The following ST18 variants were observed in gnomAD, a reference collection of about 807,000 sequenced individuals.
ST18 encodes the protein suppression of tumorigenicity 18 protein.
In ST18, 50 loss-of-function variants were observed where a neutral mutation model predicts 110.0. That is an observed-to-expected ratio of 0.45 (90% CI 0.36 to 0.58). The LOEUF (loss-of-function observed/expected upper bound fraction) is 0.58, where lower values mean the gene tolerates loss of function less well. Among genes scored for constraint, ST18 ranks in the 20% least tolerant of loss-of-function variants. ST18 has a pLI of 0.00. For synonymous variants in ST18, 461 were observed against 452.4 expected (o/e 1.02, Z -0.24); for missense variants, 1,306 against 1,280.1 (o/e 1.02, Z -0.31).
In ST18 at chr8:52,409,679, T is replaced by C. The variant is rs1285161183; in HGVS notation, c.-721A>G. The C allele has an allele frequency of 1.3e-5, 2 of 152,248 alleles. No individual in the cohort carries two copies. The allele number at this position is 152,248 out of a possible 1,614,324, so 9.4% of individuals were successfully genotyped here. A position where few individuals can be genotyped will look rare whatever the true frequency, so the allele number is the denominator to read the frequency against. ...GTTACCTCAATTATTTTTCTCTCCTTACCTCTAGTATTCCCCTGAGGTCAC... is the reference window on the plus strand; with the variant it reads ...GTTACCTCAATTATTTTTCTCTCCTCACCTCTAGTATTCCCCTGAGGTCAC... On this transcript the variant is annotated 5_prime_UTR_variant, in exon 1 of 26. Coordinates refer to ENST00000689386, the MANE Select transcript of ST18 (RefSeq NM_001352837.2).
intron 25 of ST18, among the ~76,000 whole-genome samples, chr8:52,113,954 G>GCTTTTTTTT (rs2041422738): frequency 2.2e-5 from 1 of 45,422 alleles, no homozygotes; most frequent in African/African-American, 8.2e-5. Context: ...TTCATACCGT[G>GCTTTTTTTT]TTTTTTTTTT....
At chr8:52,266,965 A>G (rs2094891877) in intron 2 of ST18, among the ~76,000 whole-genome samples, 1 of 152,138 alleles carries the variant, frequency 6.6e-6, no homozygotes, top group African/African-American at 2.4e-5. Flanking sequence ...GGAGAGGAGA[A>G]AGATTAAGCC....
At chr8:52,137,549 T>C in intron 17 of ST18, 66 bp from the exon 18 acceptor site, 1 of 1,538,044 alleles carries the variant, frequency 6.5e-7, no homozygotes, top group Non-Finnish European at 9.0e-7. Context: ...CTCTGCCCAG[T>C]AGATTACGGA....
intron 2 of ST18, among the ~76,000 whole-genome samples, chr8:52,394,538 G>A (rs1011711279): frequency 2.0e-5 from 3 of 152,040 alleles, no homozygotes; most frequent in Non-Finnish European, 4.4e-5. Context: ...GCTCTTTCCT[G>A]AATACCAGCT....
chr8:52,390,777 A>G (rs1839052539), intron 2 of ST18, among the ~76,000 whole-genome samples: 1 of 152,232 alleles, frequency 6.6e-6, no homozygotes, highest in Non-Finnish European at 1.5e-5. Context: ...GGAGCACTAC[A>G]GAAGGAAAGT....
At chr8:52,332,180 C>A (rs1306710105) in intron 2 of ST18, among the ~76,000 whole-genome samples, 2 of 151,916 alleles carry the variant, frequency 1.3e-5, no homozygotes, top group Non-Finnish European at 2.9e-5. Flanking sequence ...TACTAAACAA[C>A]CTAAACAGTA....
At chr8:52,356,616 A>T (rs1822856231) in intron 2 of ST18, among the ~76,000 whole-genome samples, 1 of 152,198 alleles carries the variant, frequency 6.6e-6, no homozygotes, top group South Asian at 2.1e-4. Context: ...AGAAAAAGAG[A>T]AATCAGTAGA....
chr8:52,133,260 C>T lies in ST18; in HGVS notation c.2342G>A (p.Gly781Glu). ...CTACCTTCTGTGGGAAGCATAGTTT[C>T]CAGTCACGTGCCCCGAGCCATCGCA... is the stretch of plus-strand genomic sequence containing the variant. ...PGCDGSGHVT[G>E]NYASHRSLSG... The change falls in exon 20 of 26, where the codon GGA (glycine) becomes GAA (glutamate). Residue 781 changes from glycine (G) to glutamate (E), a missense_variant. Physicochemically the swap from Gly to Glu is moderately conservative, Grantham distance 98. Transcript: ENST00000689386. 1 of 1,614,152 alleles carries T rather than the reference C, an allele frequency of 6.2e-7. No homozygotes were observed. The highest frequency in any genetic ancestry group is 8.5e-7 in the Non-Finnish European group (1 of 1,180,036).
rs1263030084 is a variant in ST18 at position 52,113,148 on chromosome 8, C to G, written c.*50G>C. The G allele has an allele frequency of 3.4e-5, 54 of 1,607,076 alleles. 1 individual carries two copies. Among genetic ancestry groups the G allele is most frequent in the Non-Finnish European group, 4.5e-5 (53 of 1,177,132 alleles). On this transcript the variant is annotated 3_prime_UTR_variant, in exon 26 of 26. Coordinates refer to ENST00000689386, the MANE Select transcript of ST18 (RefSeq NM_001352837.2). ...GTACATGAACCTCTAACAGATCCAT[C>G]TGGAGTTTACTGCTGTTGGTAACTT...
At chr8:52,299,763 G>A (rs911873004) in intron 2 of ST18, among the ~76,000 whole-genome samples, 3 of 152,208 alleles carry the variant, frequency 2.0e-5, no homozygotes, top group African/African-American at 7.2e-5. Flanking sequence ...CGCATAAGTG[G>A]TATGAACTCA....
chr8:52,131,873 G>C (rs1410297891), intron 22 of ST18, 85 bp downstream of exon 22: 2 of 1,262,298 alleles, frequency 1.6e-6, no homozygotes, highest in African/African-American at 1.5e-5. Context: ...AACCTTTAGG[G>C]GGTTGTTCAC....
At chr8:52,233,895 C>T (rs1199520372) in intron 2 of ST18, among the ~76,000 whole-genome samples, 2 of 152,058 alleles carry the variant, frequency 1.3e-5, no homozygotes, top group African/African-American at 4.8e-5. Flanking sequence ...TGTGTGTATA[C>T]AATATTGAAT....
chr8:52,139,749 A>C (rs983247565), intron 17 of ST18, among the ~76,000 whole-genome samples: 4 of 152,248 alleles, frequency 2.6e-5, no homozygotes, highest in African/African-American at 9.6e-5. Flanking sequence ...TTACCTATAA[A>C]ATATGATAAT....
intron 22 of ST18, among the ~76,000 whole-genome samples, chr8:52,130,163 G>GAAAGAA (rs1554586162): frequency 2.8e-5 from 4 of 144,238 alleles, no homozygotes; most frequent in Non-Finnish European, 6.0e-5. Context: ...AAGAAAGAAA[G>GAAAGAA]AAAAAGAAAA....
intron 2 of ST18, among the ~76,000 whole-genome samples, chr8:52,297,843 A>C (rs1230129980): frequency 6.6e-6 from 1 of 152,242 alleles, no homozygotes; most frequent in Non-Finnish European, 1.5e-5. Context: ...CCCAGGAAAA[A>C]AAGTGATCAT....
chr8:52,305,706 T>C (rs116751890), intron 2 of ST18, among the ~76,000 whole-genome samples: 1 of 152,158 alleles, frequency 6.6e-6, no homozygotes, highest in Non-Finnish European at 1.5e-5. Context: ...ATCCGGTGTA[T>C]CAGCAAATCC....
chr8:52,323,731 G>A (rs940143837), intron 2 of ST18, among the ~76,000 whole-genome samples: 6 of 152,202 alleles, frequency 3.9e-5, no homozygotes, highest in African/African-American at 7.2e-5. Flanking sequence ...GACTCTGGGC[G>A]AGGGGGAGGC....
intron 22 of ST18, among the ~76,000 whole-genome samples, chr8:52,127,745 C>T (rs1224096873): frequency 6.6e-6 from 1 of 151,578 alleles, no homozygotes; most frequent in Non-Finnish European, 1.5e-5. Flanking sequence ...TTCCAAAATG[C>T]CACTTGATTT....
intron 9 of ST18, among the ~76,000 whole-genome samples, chr8:52,175,464 T>C (rs1295030928): frequency 1.3e-5 from 2 of 152,120 alleles, no homozygotes; most frequent in African/African-American, 2.4e-5. Context: ...CGATATGCGA[T>C]GTGGAGGAAG....
Sources: gnomAD v4.1 joint callset for allele counts (sites outside exome capture counted in the v4.1 genomes callset) on GRCh38, gnomAD v4.1.1 for gene constraint, MANE v1.5 for transcripts, NCBI Gene and HGNC (gene_info 2026-07-23, HGNC 2026-07-21) for gene names.